The following SV2C variants were observed in gnomAD, a reference collection of about 807,000 sequenced individuals.
The protein encoded by SV2C is synaptic vesicle glycoprotein 2C.
SV2C carries 49 observed loss-of-function variants against 79.7 expected under a neutral mutation model. That is an observed-to-expected ratio of 0.61 (90% CI 0.49 to 0.78). The LOEUF (loss-of-function observed/expected upper bound fraction) is 0.78. Ranked by LOEUF, SV2C falls within the 30% of genes least tolerant of loss-of-function variation. SV2C has a pLI of 0.00. For missense variants in SV2C, 833 were observed against 912.9 expected (o/e 0.91, Z 1.13); for synonymous variants, 334 against 333.2 (o/e 1.00, Z -0.03).
chr5:75,983,205 A>C, the SV2C span, among the ~76,000 whole-genome samples: 1 of 152,114 alleles, frequency 6.6e-6, no homozygotes, highest in Non-Finnish European at 1.5e-5. Flanking sequence ...ACCTGTACTC[A>C]TACCCCTGAA....
At chr5:76,190,615 T>TTTA (rs1744070417) in intron 2 of SV2C, among the ~76,000 whole-genome samples, 2 of 152,290 alleles carry the variant, frequency 1.3e-5, no homozygotes, top group African/African-American at 2.4e-5. Context: ...AAGTCCATAC[T>TTTA]TCATAGTCTA....
At chr5:75,901,425 T>G in the SV2C span, among the ~76,000 whole-genome samples, 1 of 152,234 alleles carries the variant, frequency 6.6e-6, no homozygotes. Context: ...AGGATGCTGC[T>G]GTCTGGTCGT....
the SV2C span, among the ~76,000 whole-genome samples, chr5:75,867,300 A>G: frequency 6.6e-6 from 1 of 152,208 alleles, no homozygotes; most frequent in Admixed American, 6.5e-5. Flanking sequence ...TCAGTAGCAG[A>G]TGCAACAGGG....
At chr5:76,057,429 C>G in the SV2C span, among the ~76,000 whole-genome samples, 12 of 144,778 alleles carry the variant, frequency 8.3e-5, no homozygotes, top group Middle Eastern at 0.011. Flanking sequence ...CTTCCTGTGT[C>G]CATGTGTTCT....
At chr5:76,024,535 G>C in the SV2C span, among the ~76,000 whole-genome samples, 1 of 152,062 alleles carries the variant, frequency 6.6e-6, no homozygotes, top group South Asian at 2.1e-4. Flanking sequence ...TTTTGCTATG[G>C]ATAGTCACCC....
At chr5:75,900,336 T>G in the SV2C span, among the ~76,000 whole-genome samples, 1 of 152,232 alleles carries the variant, frequency 6.6e-6, no homozygotes, top group Non-Finnish European at 1.5e-5. Flanking sequence ...TTAGTTTGGC[T>G]GGATATGAAA....
intron 12 of SV2C, among the ~76,000 whole-genome samples, chr5:76,302,564 A>C (rs1748046375): frequency 7.2e-6 from 1 of 139,654 alleles, no homozygotes; most frequent in Non-Finnish European, 1.5e-5. Context: ...TGGGAGGCGG[A>C]GGTTGCAGTT....
the SV2C span, among the ~76,000 whole-genome samples, chr5:75,901,348 C>T: frequency 1.3e-5 from 2 of 152,168 alleles, no homozygotes; most frequent in Admixed American, 1.3e-4. Context: ...GCTGGAGGTC[C>T]ACTCCAGACT....
intron 4 of SV2C, among the ~76,000 whole-genome samples, chr5:76,264,660 G>A (rs541354591): frequency 3.3e-5 from 5 of 152,162 alleles, no homozygotes; most frequent in Admixed American, 6.5e-5. Context: ...ACTGCTGTCT[G>A]TTTGTTAGTT....
At chr5:75,897,992 T>C in the SV2C span, among the ~76,000 whole-genome samples, 1 of 151,744 alleles carries the variant, frequency 6.6e-6, no homozygotes, top group Non-Finnish European at 1.5e-5. Context: ...GTTTTCTTGA[T>C]ATACAATCAT....
At chr5:76,249,504 T>G (rs900962661) in intron 4 of SV2C, among the ~76,000 whole-genome samples, 2 of 152,362 alleles carry the variant, frequency 1.3e-5, no homozygotes, top group East Asian at 3.9e-4. Flanking sequence ...ATTGTAGCAC[T>G]GTAATTTAAA....
chr5:75,953,746 T>G, the SV2C span, among the ~76,000 whole-genome samples: 1 of 151,984 alleles, frequency 6.6e-6, no homozygotes, highest in African/African-American at 2.4e-5. Flanking sequence ...TTATACCATT[T>G]CTCAGATTTC....
the SV2C span, among the ~76,000 whole-genome samples, chr5:76,038,730 A>T: frequency 1.5e-3 from 236 of 152,334 alleles, 3 homozygotes; most frequent in South Asian, 0.025. Flanking sequence ...AAAAAATTAT[A>T]TTTTGCATAA....
chr5:76,278,795 C>T (rs1453132759), intron 4 of SV2C, among the ~76,000 whole-genome samples: 1 of 152,172 alleles, frequency 6.6e-6, no homozygotes, highest in Non-Finnish European at 1.5e-5. Context: ...CAAATGTACT[C>T]AGAGCTGTGG....
At chr5:76,324,720 T>C (rs1015642397) in intron 12 of SV2C, among the ~76,000 whole-genome samples, 6 of 151,452 alleles carry the variant, frequency 4.0e-5, no homozygotes, top group African/African-American at 1.5e-4. Context: ...AGCATGGCAG[T>C]ACACACTTGT....
chr5:75,849,477 G>A, the SV2C span, among the ~76,000 whole-genome samples: 1 of 152,150 alleles, frequency 6.6e-6, no homozygotes, highest in African/African-American at 2.4e-5. Context: ...CACCATTTGT[G>A]TTTTCCAACA....
At chr5:76,252,488 T>C (rs1366357883) in intron 4 of SV2C, among the ~76,000 whole-genome samples, 1 of 152,226 alleles carries the variant, frequency 6.6e-6, no homozygotes, top group Non-Finnish European at 1.5e-5. Flanking sequence ...TTCCTTAAAC[T>C]GATCTCCCTG....
intron 1 of SV2C, among the ~76,000 whole-genome samples, chr5:76,109,751 G>A (rs1364835805): frequency 6.6e-5 from 10 of 152,158 alleles, no homozygotes; most frequent in Non-Finnish European, 2.9e-5. Context: ...GCTGGGAAGA[G>A]GCAAGAAAGG....
chr5:75,878,606 G>T, the SV2C span, among the ~76,000 whole-genome samples: 1 of 151,984 alleles, frequency 6.6e-6, no homozygotes, highest in African/African-American at 2.4e-5. Context: ...TACCCAATCT[G>T]TCATAGCTGT....
Sources: gnomAD v4.1 joint callset for allele counts (sites outside exome capture counted in the v4.1 genomes callset) on GRCh38, gnomAD v4.1.1 for gene constraint, MANE v1.5 for transcripts, NCBI Gene and HGNC (gene_info 2026-07-23, HGNC 2026-07-21) for gene names.